Variants in RTTN observed in about 807,000 individuals in gnomAD.
RTTN encodes the protein rotatin.
RTTN carries 182 observed loss-of-function variants against 269.2 expected under a neutral mutation model. The observed-to-expected ratio is 0.68, with a 90% CI of 0.60 to 0.76. The LOEUF (loss-of-function observed/expected upper bound fraction) is 0.76. Ranked by LOEUF, RTTN falls within the 30% of genes least tolerant of loss-of-function variation. RTTN has a pLI of 0.00. For missense variants in RTTN, 2,545 were observed against 2,608.6 expected, an observed-to-expected ratio of 0.98 and a Z score of 0.53; for synonymous variants, 1,006 against 963.5, an observed-to-expected ratio of 1.04 and a Z score of -0.82.
At chr18:70,186,909 G>A (rs1032291863) in intron 10 of RTTN, among the ~76,000 whole-genome samples, 1 of 152,034 alleles carries the variant, frequency 6.6e-6, no homozygotes, top group African/African-American at 2.4e-5. Flanking sequence ...ATTACCTATC[G>A]GGTACTAGGC....
chr18:70,196,296 GAA>G lies in RTTN; in HGVS notation c.841+203_841+204del, dbSNP rs34150741. Among the ~76,000 whole-genome samples, 212 of 142,082 alleles carry G rather than the reference GAA, an allele frequency of 1.5e-3. No individual in the cohort carries two copies. The Middle Eastern group carries it at 0.022, about 15-fold the overall frequency. The allele number at this position is 142,082 out of a possible 152,430, so 93.2% of individuals were successfully genotyped here. Reference sequence around the variant, plus strand: ...ACACCTTGTAAATATCTCTTATCCAGAAAAAAAAAAAAAGGCTCAAGAGATCA... The same window carrying G: ...ACACCTTGTAAATATCTCTTATCCAGAAAAAAAAAAAGGCTCAAGAGATCA... On this transcript the variant is annotated intron_variant, in intron 7 of 48. Coordinates refer to ENST00000640769, the MANE Select transcript of RTTN (RefSeq NM_173630.4).
chr18:70,172,878 G>A (rs1209051461), intron 11 of RTTN, among the ~76,000 whole-genome samples: 1 of 152,098 alleles, frequency 6.6e-6, no homozygotes, highest in Non-Finnish European at 1.5e-5. Flanking sequence ...TTGACCATTT[G>A]CAATACTTAA....
chr18:70,088,946 T>C (rs1260634141), intron 30 of RTTN, among the ~76,000 whole-genome samples: 2 of 152,228 alleles, frequency 1.3e-5, no homozygotes, highest in African/African-American at 4.8e-5. Flanking sequence ...ATTTTTTGCA[T>C]TTAATTTAAT....
intron 17 of RTTN, among the ~76,000 whole-genome samples, chr18:70,146,072 T>C (rs1167937264): frequency 1.3e-5 from 2 of 152,190 alleles, no homozygotes; most frequent in African/African-American, 4.8e-5. Context: ...TAAGTACATC[T>C]GCGAATTAAA....
intron 40 of RTTN, among the ~76,000 whole-genome samples, chr18:70,045,096 A>G (rs1297531895): frequency 6.6e-6 from 1 of 152,244 alleles, no homozygotes; most frequent in East Asian, 1.9e-4. Context: ...AACCACCTCA[A>G]AATGGACTTA....
intron 27 of RTTN, among the ~76,000 whole-genome samples, chr18:70,113,949 G>C (rs1450787152): frequency 6.6e-6 from 1 of 152,140 alleles, no homozygotes; most frequent in Non-Finnish European, 1.5e-5. Flanking sequence ...TGATGATAAA[G>C]TTCTGGAATT....
intron 28 of RTTN, among the ~76,000 whole-genome samples, chr18:70,106,749 C>T (rs375095045): frequency 2.0e-5 from 3 of 151,096 alleles, no homozygotes; most frequent in South Asian, 4.2e-4. Context: ...AATAATCTGG[C>T]AATAGGTAGA....
chr18:70,182,622 A>C (rs1482153441), intron 10 of RTTN, among the ~76,000 whole-genome samples: 1 of 152,194 alleles, frequency 6.6e-6, no homozygotes, highest in Non-Finnish European at 1.5e-5. Flanking sequence ...ACAATTTCAA[A>C]ATGAAAGATA....
At chr18:70,112,483 C>CAAAAAAAAAAAAAAAAAAAAAAA (rs36147576) in intron 27 of RTTN, among the ~76,000 whole-genome samples, 2 of 68,046 alleles carry the variant, frequency 2.9e-5, no homozygotes, top group Non-Finnish European at 5.2e-5. Flanking sequence ...AAATGGAAAG[C>CAAAAAAAAAAAAAAAAAAAAAAA]AAAAAAAAAA....
intron 9 of RTTN, 116 bp downstream of exon 9, chr18:70,190,422 G>T: frequency 3.3e-6 from 2 of 610,294 alleles, no homozygotes; most frequent in South Asian, 3.6e-5. Context: ...TATCCCAAAA[G>T]ATAAGTAAAT....
chr18:70,013,043 C>T (rs954590736), intron 46 of RTTN, among the ~76,000 whole-genome samples: 1 of 152,138 alleles, frequency 6.6e-6, no homozygotes, highest in Admixed American at 6.5e-5. Flanking sequence ...GTTTCGGGCA[C>T]GCTGCAGCCG....
intron 10 of RTTN, 117 bp from the exon 11 acceptor site, chr18:70,176,962 T>C: frequency 1.4e-6 from 1 of 716,314 alleles, no homozygotes; most frequent in South Asian, 3.2e-5. Flanking sequence ...GGAAAACAAA[T>C]CAAAACAGAA....
At chr18:70,146,637 A>G (rs1391086467) in intron 17 of RTTN, among the ~76,000 whole-genome samples, 1 of 152,178 alleles carries the variant, frequency 6.6e-6, no homozygotes, top group East Asian at 1.9e-4. Flanking sequence ...TGCCACCTTG[A>G]GCCCCTGTAT....
chr18:70,004,087 C>G lies in RTTN; in HGVS notation c.*64G>C. ...TTCAGGTAACAGCTGCTACACACAG[C>G]TGGCTTCAACTTTAGCTCCCCTGTT... On this transcript the variant is annotated 3_prime_UTR_variant, in exon 49 of 49. Transcript: ENST00000640769. The G allele has an allele frequency of 1.6e-6, 2 of 1,232,546 alleles. No individual in the cohort carries two copies. The highest frequency in any genetic ancestry group is 2.4e-6 in the Non-Finnish European group (2 of 834,436). 76.4% of individuals were successfully genotyped at this position (1,232,546 alleles called of 1,614,324 possible).
chr18:70,204,350 A>G (rs2062025739), intron 2 of RTTN, 87 bp from the exon 3 acceptor site: 11 of 1,298,862 alleles, frequency 8.5e-6, no homozygotes, highest in Non-Finnish European at 1.1e-5. Flanking sequence ...TATTTTTGGT[A>G]TATCAGATGT....
chr18:70,111,162 G>A (rs1440813858), intron 27 of RTTN, among the ~76,000 whole-genome samples: 2 of 152,220 alleles, frequency 1.3e-5, no homozygotes, highest in Admixed American at 1.3e-4. Flanking sequence ...CCTGCCTGAC[G>A]ACTCTGAAGA....
In RTTN at chr18:70,004,111, T is replaced by G. The variant is rs976500513; in HGVS notation, c.*40A>C. The G allele has an allele frequency of 4.6e-6, 7 of 1,512,512 alleles. No individual in the cohort carries two copies. In the Admixed American group the frequency reaches 1.0e-4, roughly 22 times the overall value. The allele number at this position is 1,512,512 out of a possible 1,614,324, so 93.7% of individuals were successfully genotyped here. On this transcript the variant is annotated 3_prime_UTR_variant, in exon 49 of 49. Coordinates refer to ENST00000640769, the MANE Select transcript of RTTN (RefSeq NM_173630.4). ...GCTGGCTTCAACTTTAGCTCCCCTG[T>G]TGATGACTGTCAGCTTCAAGGTGTA...
chr18:70,017,756 A>C, intron 45 of RTTN, 82 bp from the exon 46 acceptor site: 1 of 1,046,600 alleles, frequency 9.6e-7, no homozygotes, highest in Non-Finnish European at 1.4e-6. Context: ...ATTAACTAAC[A>C]TTCTGATATA....
At position 70,134,650 on chromosome 18, in the gene RTTN, G is replaced by A. The variant is rs927078538; in HGVS notation, c.2886-109C>T. On this transcript the variant is annotated intron_variant, in intron 22 of 48. Transcript: ENST00000640769. The stretch of plus-strand genomic sequence containing the variant: ...TTGACTGCAAATGAAATCAAGCAGT[G>A]CAACTGAGTCTATCATTTAGTATAG... 4.5e-6 allele frequency: 3 copies of A among 672,368 alleles called. No individual in the cohort carries two copies. The African/African-American group carries it at 5.5e-5, about 12-fold the overall frequency. 41.7% of individuals were successfully genotyped at this position (672,368 alleles called of 1,614,324 possible). A position where few individuals can be genotyped will look rare whatever the true frequency, so the allele number is the denominator to read the frequency against.
Sources: gnomAD v4.1 joint callset for allele counts (sites outside exome capture counted in the v4.1 genomes callset) on GRCh38, gnomAD v4.1.1 for gene constraint, MANE v1.5 for transcripts, NCBI Gene and HGNC (gene_info 2026-07-23, HGNC 2026-07-21) for gene names.